The following VPS50 variants were observed in gnomAD, a reference collection of about 807,000 sequenced individuals.
VPS50 encodes the protein VPS50 subunit of EARP/GARPII complex, also known as syndetin.
In VPS50, 70 loss-of-function variants were observed where a neutral mutation model predicts 139.7. That is an observed-to-expected ratio of 0.50 (90% CI 0.41 to 0.61). The LOEUF (loss-of-function observed/expected upper bound fraction) is 0.61, where lower values mean the gene tolerates loss of function less well. Among genes scored for constraint, VPS50 ranks in the 20% least tolerant of loss-of-function variants. The probability of loss-of-function intolerance (pLI) is 0.00; values close to 1 mark genes in which losing one functional copy is unlikely to be tolerated. For missense variants in VPS50, 921 were observed against 1,133.7 expected, an observed-to-expected ratio of 0.81 and a Z score of 2.69; for synonymous variants, 365 against 376.7, an observed-to-expected ratio of 0.97 and a Z score of 0.36.
At chr7:93,314,452 A>G (rs1646591402) in intron 20 of VPS50, among the ~76,000 whole-genome samples, 1 of 152,120 alleles carries the variant, frequency 6.6e-6, no homozygotes, top group South Asian at 2.1e-4. Flanking sequence ...GTATTATATA[A>G]AGAGAAAATT....
chr7:93,290,413 G>A (rs952247596), intron 12 of VPS50, among the ~76,000 whole-genome samples: 13 of 143,890 alleles, frequency 9.0e-5, no homozygotes, highest in Admixed American at 5.6e-4. Flanking sequence ...GAGATAATGG[G>A]CATCTTTTTT....
intron 23 of VPS50, among the ~76,000 whole-genome samples, chr7:93,347,822 G>C (rs1463133495): frequency 1.7e-5 from 2 of 115,160 alleles, no homozygotes; most frequent in African/African-American, 6.6e-5. Context: ...TCTGGGGACT[G>C]TTGTGGGGTG....
At chr7:93,261,546 C>T (rs914390766) in intron 9 of VPS50, among the ~76,000 whole-genome samples, 47 of 151,566 alleles carry the variant, frequency 3.1e-4, no homozygotes, top group Non-Finnish European at 5.2e-4. Context: ...GGCCTGGTGG[C>T]GGGCGCCTGT....
At chr7:93,315,688 A>G (rs937639323) in intron 20 of VPS50, among the ~76,000 whole-genome samples, 1 of 152,226 alleles carries the variant, frequency 6.6e-6, no homozygotes, top group Non-Finnish European at 1.5e-5. Context: ...ATATGCTTAA[A>G]AGACATTTCT....
At position 93,323,681 on chromosome 7, in the gene VPS50, A is replaced by G; in HGVS notation, c.1926A>G (p.Leu642=). 1 of 1,404,518 alleles carries G rather than the reference A, an allele frequency of 7.1e-7. No homozygotes were observed. Among genetic ancestry groups the G allele is most frequent in the Non-Finnish European group, 9.7e-7 (1 of 1,035,468 alleles). 87.0% of individuals were successfully genotyped at this position (1,404,518 alleles called of 1,614,324 possible). A position where few individuals can be genotyped will look rare whatever the true frequency, so the allele number is the denominator to read the frequency against. Residue 642 remains leucine, a synonymous_variant, in exon 21 of 28, where the codon CTA becomes CTG. Coordinates refer to ENST00000305866, the MANE Select transcript of VPS50 (RefSeq NM_017667.4). ...AFDVIHFMSQ[L]FDYYLYAIYT... is the part of the protein sequence containing the mutation. ...ATGTTATTCATTTCATGTCTCAACTATTTGATTATTACTTGTATGCAATAT... is the reference window on the plus strand; with the variant it reads ...ATGTTATTCATTTCATGTCTCAACTGTTTGATTATTACTTGTATGCAATAT...
chr7:93,347,719 C>T (rs1191812939), intron 23 of VPS50, among the ~76,000 whole-genome samples: 2 of 147,826 alleles, frequency 1.4e-5, no homozygotes, highest in Non-Finnish European at 3.0e-5. Flanking sequence ...AGTAAACTAT[C>T]GCAAGAACAA....
At chr7:93,309,203 C>G (rs1224767924) in intron 19 of VPS50, among the ~76,000 whole-genome samples, 8 of 151,920 alleles carry the variant, frequency 5.3e-5, no homozygotes, top group Non-Finnish European at 8.8e-5. Context: ...GCTGGTATCT[C>G]ACAGATCAGT....
In VPS50 at chr7:93,234,845, C is replaced by G. The variant is rs570112156; in HGVS notation, c.33+2345C>G. ...TTAGCTCTCTTTATTTAGATGAGAT[C>G]TGTTCTTCATCTTTCTCCATCATGC... is the stretch of plus-strand genomic sequence containing the variant. On this transcript the variant is annotated intron_variant, in intron 1 of 27. Transcript: ENST00000305866. Among the ~76,000 whole-genome samples, 6 of 151,986 alleles carry G rather than the reference C, an allele frequency of 3.9e-5. No homozygotes were observed. The South Asian group carries it at 1.2e-3, about 32-fold the overall frequency.
intron 11 of VPS50, among the ~76,000 whole-genome samples, chr7:93,273,832 C>T (rs534578166): frequency 1.3e-5 from 2 of 152,138 alleles, no homozygotes; most frequent in South Asian, 2.1e-4. Flanking sequence ...CTGTCAGTGC[C>T]GTTTTTCCAA....
chr7:93,268,327 T>C (rs1432944827), intron 9 of VPS50, among the ~76,000 whole-genome samples: 1 of 152,198 alleles, frequency 6.6e-6, no homozygotes, highest in Non-Finnish European at 1.5e-5. Flanking sequence ...AAGCTATTTT[T>C]TTTTTCATTA....
In VPS50 at chr7:93,348,697, T is replaced by C; in HGVS notation, c.2208-14T>C. The C allele has an allele frequency of 6.4e-7, 1 of 1,560,016 alleles. No individual in the cohort carries two copies. Among genetic ancestry groups the C allele is most frequent in the Non-Finnish European group, 8.8e-7 (1 of 1,132,200 alleles). On this transcript the variant is annotated splice_polypyrimidine_tract_variant and intron_variant, in intron 23 of 27. Coordinates refer to ENST00000305866, the MANE Select transcript of VPS50 (RefSeq NM_017667.4). Reference sequence around the variant, plus strand: ...CACAATTTGTTTACACAGTGGGTTATTTATTCCCTTTAGGGTATTCTTGGC... The same window carrying C: ...CACAATTTGTTTACACAGTGGGTTACTTATTCCCTTTAGGGTATTCTTGGC...
intron 11 of VPS50, among the ~76,000 whole-genome samples, chr7:93,274,701 A>C (rs551592458): frequency 6.6e-6 from 1 of 152,196 alleles, no homozygotes; most frequent in Non-Finnish European, 1.5e-5. Flanking sequence ...CTTTCAAGTC[A>C]TACTACTTAA....
intron 1 of VPS50, among the ~76,000 whole-genome samples, chr7:93,234,351 A>C (rs1794734749): frequency 6.6e-6 from 1 of 152,208 alleles, no homozygotes; most frequent in African/African-American, 2.4e-5. Flanking sequence ...AGCCTTAGTC[A>C]GTTGCTTATT....
At chr7:93,323,569 T>A in intron 20 of VPS50, 42 bp from the exon 21 acceptor site, 3 of 857,578 alleles carry the variant, frequency 3.5e-6, no homozygotes, top group Non-Finnish European at 5.0e-6. Context: ...TAACAGATTT[T>A]AATTTTGTTC....
At chr7:93,348,672 C>T in intron 23 of VPS50, 39 bp from the exon 24 acceptor site, 1 of 1,297,908 alleles carries the variant, frequency 7.7e-7, no homozygotes, top group Non-Finnish European at 1.1e-6. Context: ...CTAAATCCTA[C>T]ACAATTTGTT....
chr7:93,273,380 T>C (rs1271326460), intron 11 of VPS50: 1 of 152,082 alleles, frequency 6.6e-6, no homozygotes, highest in African/African-American at 2.4e-5. Flanking sequence ...GTGATAGATG[T>C]AAATGTTTTC....
chr7:93,312,131 C>A (rs924482651), intron 20 of VPS50, among the ~76,000 whole-genome samples: 4 of 152,024 alleles, frequency 2.6e-5, no homozygotes, highest in African/African-American at 9.7e-5. Context: ...TTAGGAGTCA[C>A]GGTTTCTCTA....
At chr7:93,302,744 G>A (rs1228016689) in intron 16 of VPS50, among the ~76,000 whole-genome samples, 1 of 151,926 alleles carries the variant, frequency 6.6e-6, no homozygotes, top group Non-Finnish European at 1.5e-5. Context: ...AACAACTTGT[G>A]GTAGAAAGAG....
At chr7:93,318,886 G>A (rs1306599385) in intron 20 of VPS50, among the ~76,000 whole-genome samples, 1 of 151,876 alleles carries the variant, frequency 6.6e-6, no homozygotes, top group East Asian at 1.9e-4. Flanking sequence ...TAATTTCTTT[G>A]AAAATGTGTA....
Sources: gnomAD v4.1 joint callset for allele counts (sites outside exome capture counted in the v4.1 genomes callset) on GRCh38, gnomAD v4.1.1 for gene constraint, MANE v1.5 for transcripts, NCBI Gene and HGNC (gene_info 2026-07-23, HGNC 2026-07-21) for gene names.